FAF2: variants seen among roughly 807,000 people sequenced by gnomAD.
FAF2 encodes Fas associated factor family member 2.
A neutral mutation model predicts 62.3 loss-of-function variants in FAF2; 9 were observed. The ratio of observed to expected loss-of-function variants is 0.14; its 90% CI spans 0.09 to 0.25. FAF2 has a LOEUF of 0.25. FAF2 is among the 10% of genes least tolerant of loss of function. The pLI, the probability that FAF2 is intolerant of heterozygous loss-of-function variation, is 1.00. For missense variants in FAF2, 368 were observed against 556.2 expected (o/e 0.66, Z 3.40); for synonymous variants, 202 against 198.0 (o/e 1.02, Z -0.17).
intron 2 of FAF2, among the ~76,000 whole-genome samples, chr5:176,484,894 GA>G (rs59407571): frequency 0.26 from 25,623 of 98,146 alleles, 2,179 homozygotes; most frequent in African/African-American, 0.32. Context: ...TCCATCTCAA[GA>G]AAAAAAAAAA....
rs1758192949 is a variant in FAF2 at position 176,451,890 on chromosome 5, ATATTTTTTTTTTTTTTT to A, written c.63+3422_63+3438del. 4.1e-4 allele frequency among the ~76,000 whole-genome samples: 14 copies of A among 34,220 alleles called. No homozygotes were observed. In the Admixed American group the frequency reaches 4.2e-3, roughly 10 times the overall value. The allele number at this position is 34,220 out of a possible 152,430, so 22.4% of individuals were successfully genotyped here. On this transcript the variant is annotated intron_variant, in intron 1 of 10. Transcript: ENST00000261942. ...TATATACACACATATATATATATAT[ATATTTTTTTTTTTTTTT>A]TTTTTTTTTTTTTTGAGACAACATA...
intron 5 of FAF2, 59 bp downstream of exon 5, chr5:176,492,391 G>C: frequency 6.5e-7 from 1 of 1,543,230 alleles, no homozygotes; most frequent in Non-Finnish European, 8.8e-7. Flanking sequence ...CCTCAAAGGA[G>C]AGCACAGCCC....
chr5:176,484,179 A>G (rs1758834327), intron 2 of FAF2, among the ~76,000 whole-genome samples: 1 of 152,220 alleles, frequency 6.6e-6, no homozygotes, highest in Non-Finnish European at 1.5e-5. Flanking sequence ...CCTTCTTGGC[A>G]TAGATGTATA....
intron 2 of FAF2, among the ~76,000 whole-genome samples, chr5:176,484,637 A>T (rs1460237724): frequency 6.6e-6 from 1 of 152,212 alleles, no homozygotes; most frequent in African/African-American, 2.4e-5. Context: ...TCATGCCTGT[A>T]ATCCCAGCAC....
intron 1 of FAF2, among the ~76,000 whole-genome samples, chr5:176,461,003 C>T (rs1758368974): frequency 9.0e-6 from 1 of 111,434 alleles, no homozygotes; most frequent in African/African-American, 3.8e-5. Flanking sequence ...CACCCACCTC[C>T]CCTTTTTTTC....
chr5:176,499,208 A>AG (rs1331585659), intron 9 of FAF2, 123 bp downstream of exon 9: 2 of 872,750 alleles, frequency 2.3e-6, no homozygotes, highest in African/African-American at 3.4e-5. Flanking sequence ...AAAAAAAAAA[A>AG]GGAAAAAGGA....
intron 8 of FAF2, among the ~76,000 whole-genome samples, chr5:176,498,524 GAT>G (rs1166377996): frequency 6.6e-6 from 1 of 152,112 alleles, no homozygotes; most frequent in East Asian, 1.9e-4. Flanking sequence ...TGTGTGTATG[GAT>G]ATATATGTGT....
At chr5:176,506,665 G>A (rs1755689287) in intron 10 of FAF2, 103 bp from the exon 11 acceptor site, 1 of 896,122 alleles carries the variant, frequency 1.1e-6, no homozygotes, top group Non-Finnish European at 1.7e-6. Flanking sequence ...CCTGGGGAGA[G>A]TTGGGGTATA....
chr5:176,500,628 A>G (rs1400471356), intron 10 of FAF2, among the ~76,000 whole-genome samples: 1 of 152,172 alleles, frequency 6.6e-6, no homozygotes, highest in Non-Finnish European at 1.5e-5. Context: ...AGCCCAAAGG[A>G]AGCCCCATTT....
intron 1 of FAF2, among the ~76,000 whole-genome samples, chr5:176,458,467 T>C (rs981483616): frequency 2.5e-5 from 3 of 120,652 alleles, no homozygotes; most frequent in Non-Finnish European, 4.8e-5. Flanking sequence ...TGGAGTGCGG[T>C]GGCTCGATCT....
chr5:176,471,490 C>A (rs1002345760), intron 1 of FAF2, among the ~76,000 whole-genome samples: 2 of 148,090 alleles, frequency 1.4e-5, no homozygotes, highest in Admixed American at 6.9e-5. Context: ...TCAAGTGATT[C>A]TCCTGCCTCA....
chr5:176,473,055 A>G (rs1758602098), intron 1 of FAF2, among the ~76,000 whole-genome samples: 1 of 152,234 alleles, frequency 6.6e-6, no homozygotes, highest in Non-Finnish European at 1.5e-5. Context: ...CATTATTAGT[A>G]TGGTACACTT....
intron 3 of FAF2, among the ~76,000 whole-genome samples, chr5:176,487,799 TTATC>T (rs1184887693): frequency 6.6e-6 from 1 of 152,166 alleles, no homozygotes; most frequent in African/African-American, 2.4e-5. Context: ...GTAATAGTGA[TTATC>T]TTTCTTGCTA....
chr5:176,496,766 G>A (rs551471183), intron 8 of FAF2, 103 bp downstream of exon 8: 199 of 862,634 alleles, frequency 2.3e-4, no homozygotes, highest in Non-Finnish European at 3.0e-4. Context: ...GCATCAGGCC[G>A]CTATTAGCTT....
At position 176,507,399 on chromosome 5, in the gene FAF2, G is replaced by A. The variant is rs1473444442; in HGVS notation, c.*449G>A. 4 of 437,050 alleles carry A rather than the reference G, an allele frequency of 9.2e-6. No individual in the cohort carries two copies. Among genetic ancestry groups the A allele is most frequent in the East Asian group, 7.4e-5 (1 of 13,588 alleles). The allele number at this position is 437,050 out of a possible 1,614,324, so 27.1% of individuals were successfully genotyped here. Reference sequence around the variant, plus strand: ...ACTTGCTTCTCCTGCCTCTGGGGAAGAGAGGGAAGAGAAAGCACAGAGCAG... The same window carrying A: ...ACTTGCTTCTCCTGCCTCTGGGGAAAAGAGGGAAGAGAAAGCACAGAGCAG... On this transcript the variant is annotated 3_prime_UTR_variant, in exon 11 of 11. Transcript: ENST00000261942.
chr5:176,454,117 T>A (rs1035294282), intron 1 of FAF2, among the ~76,000 whole-genome samples: 1 of 143,038 alleles, frequency 7.0e-6, no homozygotes, highest in African/African-American at 2.6e-5. Flanking sequence ...CTTTAAAAAA[T>A]CTAGTAGGCT....
intron 2 of FAF2, 83 bp downstream of exon 2, chr5:176,479,339 A>G (rs1758752825): frequency 9.2e-7 from 1 of 1,089,800 alleles, no homozygotes; most frequent in Admixed American, 1.9e-5. Context: ...CATAGCAGGA[A>G]TCTTTTCAGT....
intron 9 of FAF2, among the ~76,000 whole-genome samples, chr5:176,499,523 C>T (rs894009777): frequency 2.6e-5 from 4 of 151,486 alleles, no homozygotes; most frequent in Admixed American, 6.6e-5. Context: ...TGTTTTTGTT[C>T]CCTAGCAATC....
At chr5:176,466,613 G>C (rs1206336985) in intron 1 of FAF2, among the ~76,000 whole-genome samples, 1 of 152,216 alleles carries the variant, frequency 6.6e-6, no homozygotes, top group African/African-American at 2.4e-5. Flanking sequence ...TATTGTTTGT[G>C]ATACCTTCTT....
Sources: gnomAD v4.1 joint callset for allele counts (sites outside exome capture counted in the v4.1 genomes callset) on GRCh38, gnomAD v4.1.1 for gene constraint, MANE v1.5 for transcripts, NCBI Gene and HGNC (gene_info 2026-07-23, HGNC 2026-07-21) for gene names.